The following GAK variants were observed in gnomAD, a reference collection of about 807,000 sequenced individuals.
The protein encoded by GAK is cyclin G associated kinase, also known as cyclin-G-associated kinase.
A neutral mutation model predicts 143.9 loss-of-function variants in GAK; 79 were observed. The observed-to-expected ratio is 0.55, with a 90% CI of 0.46 to 0.66. The LOEUF (loss-of-function observed/expected upper bound fraction) is 0.66. Ranked by LOEUF, GAK falls within the 30% of genes least tolerant of loss-of-function variation. The pLI, the probability that GAK is intolerant of heterozygous loss-of-function variation, is 0.00. For missense variants in GAK, 1,693 were observed against 1,779.7 expected (o/e 0.95, Z 0.88); for synonymous variants, 881 against 765.5 (o/e 1.15, Z -2.49).
chr4:915,129 C>T (rs1294210148), intron 1 of GAK, among the ~76,000 whole-genome samples: 12 of 145,612 alleles, frequency 8.2e-5, no homozygotes, highest in Non-Finnish European at 1.8e-4. Flanking sequence ...TCAGCCCCAG[C>T]GTGCACGGCC....
rs1011643074 is a variant in GAK at position 932,036 on chromosome 4, G to A, written c.145+7C>T. On this transcript the variant is annotated splice_region_variant and intron_variant, in intron 1 of 27. Coordinates refer to ENST00000314167, the MANE Select transcript of GAK (RefSeq NM_005255.4). The surrounding 1 kb of genome is among the most constrained non-coding windows in gnomAD (Gnocchi z 4.0). ...GCCGCACCCGCGCTGCCGACCCGGGGCCTCACCTTCGGCCAGGACCCGCCG... is the reference window on the plus strand; with the variant it reads ...GCCGCACCCGCGCTGCCGACCCGGGACCTCACCTTCGGCCAGGACCCGCCG... 12 of 1,568,004 alleles carry A rather than the reference G, an allele frequency of 7.7e-6. No individual in the cohort carries two copies. Among genetic ancestry groups the A allele is most frequent in the South Asian group, 2.3e-5 (2 of 87,836 alleles).
chr4:911,084 C>T (rs1367990514), intron 4 of GAK, among the ~76,000 whole-genome samples: 1 of 152,202 alleles, frequency 6.6e-6, no homozygotes, highest in South Asian at 2.1e-4. Context: ...ACCCACCGGC[C>T]TCTCTTCCTG....
intron 21 of GAK, 135 bp from the exon 22 acceptor site, chr4:866,669 C>T: frequency 1.0e-6 from 1 of 964,252 alleles, no homozygotes; most frequent in South Asian, 1.7e-5. Flanking sequence ...CTCGCAGGGG[C>T]ACTGAGGCAG....
chr4:861,113 A>T (rs996492651), intron 23 of GAK, among the ~76,000 whole-genome samples: 1 of 151,764 alleles, frequency 6.6e-6, no homozygotes, highest in African/African-American at 2.4e-5. Context: ...TGCTCCACAG[A>T]CCAGCCACTC....
At chr4:917,782 A>G (rs889277944) in intron 1 of GAK, among the ~76,000 whole-genome samples, 8 of 152,260 alleles carry the variant, frequency 5.3e-5, no homozygotes, top group African/African-American at 1.7e-4. Context: ...TGCAGCCTGT[A>G]TATCTCATTT....
intron 5 of GAK, among the ~76,000 whole-genome samples, chr4:899,447 AGAG>A (rs1719436649): frequency 6.6e-6 from 1 of 152,106 alleles, no homozygotes; most frequent in Non-Finnish European, 1.5e-5. Flanking sequence ...CAGGGCTCCG[AGAG>A]GGCAGCACAC....
At chr4:902,457 T>A (rs1720047114) in intron 5 of GAK, among the ~76,000 whole-genome samples, 1 of 149,886 alleles carries the variant, frequency 6.7e-6, no homozygotes, top group African/African-American at 2.5e-5. Context: ...ATACAAAAAC[T>A]AGGCAGGCGT....
chr4:850,093 A>T, intron 26 of GAK, 25 bp from the exon 27 acceptor site: 1 of 1,540,190 alleles, frequency 6.5e-7, no homozygotes, highest in East Asian at 2.4e-5. Flanking sequence ...GAGCTTGCCG[A>T]GCCCTGGGCA....
chr4:887,539 A>G (rs77060135), intron 11 of GAK: 10,286 of 149,734 alleles, frequency 0.069, 512 homozygotes, highest in Non-Finnish European at 0.11. Flanking sequence ...GCGTGTGTAC[A>G]CATGCACGCA....
intron 16 of GAK, 27 bp downstream of exon 16, chr4:877,588 A>G: frequency 6.5e-7 from 1 of 1,543,618 alleles, no homozygotes; most frequent in Non-Finnish European, 8.8e-7. Flanking sequence ...AGGAGGGAGC[A>G]CAGCGTGGGG....
intron 1 of GAK, among the ~76,000 whole-genome samples, chr4:926,475 T>C (rs1463421199): frequency 6.6e-6 from 1 of 152,192 alleles, no homozygotes; most frequent in African/African-American, 2.4e-5. Context: ...AAGCAACTAA[T>C]CTCTGCAAAC....
chr4:866,315 C>T, intron 22 of GAK, 49 bp downstream of exon 22: 1 of 1,580,838 alleles, frequency 6.3e-7, no homozygotes, highest in Non-Finnish European at 8.7e-7. Flanking sequence ...GGCTGCGGTC[C>T]TGAGGGAGGC....
chr4:870,749 G>T lies in GAK; in HGVS notation c.2210C>A (p.Ser737Tyr), dbSNP rs774752483. The T allele has an allele frequency of 3.7e-6, 6 of 1,613,874 alleles. No individual in the cohort carries two copies. Among genetic ancestry groups the T allele is most frequent in the Non-Finnish European group, 4.2e-6 (5 of 1,179,990 alleles). Residue 737 changes from serine to tyrosine, a missense_variant, in exon 19 of 28, where the codon TCC becomes TAC. Ser to Tyr is a moderately radical substitution (Grantham distance 144). Transcript: ENST00000314167. ...MRGLNPKILF[S>Y]SREEQQDILS... Reference sequence around the variant, plus strand: ...AATGTCTTGCTGCTCCTCCCGGCTGGAAAACAGGATTTTGGGGTTCAGCCC... The same window carrying T: ...AATGTCTTGCTGCTCCTCCCGGCTGTAAAACAGGATTTTGGGGTTCAGCCC...
At chr4:882,630 G>T in intron 14 of GAK, 67 bp downstream of exon 14, 1 of 1,578,498 alleles carries the variant, frequency 6.3e-7, no homozygotes, top group Non-Finnish European at 8.6e-7. Context: ...CTCAGATCCT[G>T]TTGAACTATG....
At chr4:868,805 G>A (rs561972843) in intron 19 of GAK, 120 bp from the exon 20 acceptor site, 129 of 997,370 alleles carry the variant, frequency 1.3e-4, no homozygotes, top group Middle Eastern at 3.2e-4. Context: ...CCAGGCCATC[G>A]GTAAAGCAGA....
rs369163604 is a variant in GAK at position 911,539 on chromosome 4, C to T, written c.382+134G>A. On this transcript the variant is annotated intron_variant, in intron 4 of 27. Transcript: ENST00000314167. ...AGAACTACTGTCAGAGAGCTGCCCG[C>T]GCTTCCCGCTAAGACCAACACAGCT... 4.3e-5 allele frequency: 26 copies of T among 604,184 alleles called. No homozygotes were observed. In the East Asian group the frequency reaches 6.4e-4, roughly 15 times the overall value. The allele number at this position is 604,184 out of a possible 1,614,324, so 37.4% of individuals were successfully genotyped here.
At chr4:868,466 G>A (rs973269890) in intron 20 of GAK, 73 bp downstream of exon 20, 9 of 1,530,296 alleles carry the variant, frequency 5.9e-6, no homozygotes, top group Admixed American at 1.8e-5. Context: ...CAAGACGCTT[G>A]CCCTGCCCCA....
chr4:881,843 C>CGG (rs1715176601), intron 15 of GAK, 64 bp downstream of exon 15: 1 of 1,500,382 alleles, frequency 6.7e-7, no homozygotes, highest in Non-Finnish European at 9.0e-7. Flanking sequence ...GACACCACAG[C>CGG]GGGGGCGGCA....
At chr4:896,910 C>T (rs1718915020) in intron 6 of GAK, among the ~76,000 whole-genome samples, 2 of 152,270 alleles carry the variant, frequency 1.3e-5, no homozygotes, top group Non-Finnish European at 1.5e-5. Flanking sequence ...AGTGGCCGCA[C>T]CCAGAGCAGC....
Sources: allele counts gnomAD v4.1 joint callset (sites outside exome capture counted in the v4.1 genomes callset), GRCh38; gene constraint gnomAD v4.1.1; non-coding constraint Gnocchi (gnomAD v3.1); transcripts MANE v1.5; gene names NCBI Gene and HGNC (gene_info 2026-07-23, HGNC 2026-07-21).